NADK2: variants seen among roughly 807,000 people sequenced by gnomAD.
NADK2 encodes the protein NAD kinase domain-containing protein 1, mitochondrial.
Under a neutral mutation model 62.1 loss-of-function variants are expected in NADK2, and 35 were observed. The observed-to-expected ratio is 0.56, with a 90% CI of 0.43 to 0.75. The LOEUF (loss-of-function observed/expected upper bound fraction) is 0.75. NADK2 is among the 30% of genes least tolerant of loss of function. The probability of loss-of-function intolerance (pLI) is 0.00; values close to 1 mark genes in which losing one functional copy is unlikely to be tolerated. For synonymous variants in NADK2, 205 were observed against 207.9 expected (o/e 0.99, Z 0.12); for missense variants, 439 against 561.3 (o/e 0.78, Z 2.20).
At chr5:36,222,534 A>G (rs10036967) in intron 4 of NADK2, among the ~76,000 whole-genome samples, 30 of 152,360 alleles carry the variant, frequency 2.0e-4, no homozygotes, top group African/African-American at 7.2e-4. Context: ...GTGAAACTAG[A>G]AAAGCAAACA....
At position 36,195,028 on chromosome 5, in the gene NADK2, A is replaced by G; in HGVS notation, c.*116T>C. The stretch of plus-strand genomic sequence containing the variant: ...AAGAATAATGCAAATCTCACTTCTG[A>G]GCCCACGGGCAAGCAGTCTCAACAA... On this transcript the variant is annotated 3_prime_UTR_variant, in exon 12 of 12. Transcript: ENST00000381937. 9.5e-7 allele frequency: 1 copy of G among 1,049,182 alleles called. No homozygotes were observed. The highest frequency in any genetic ancestry group is 1.4e-6 in the Non-Finnish European group (1 of 733,754). 65.0% of individuals were successfully genotyped at this position (1,049,182 alleles called of 1,614,324 possible).
At chr5:36,223,318 C>T (rs1241601307) in intron 4 of NADK2, among the ~76,000 whole-genome samples, 2 of 151,802 alleles carry the variant, frequency 1.3e-5, no homozygotes, top group African/African-American at 2.4e-5. Context: ...AACTAAGAAA[C>T]TATAAGGGTA....
intron 4 of NADK2, among the ~76,000 whole-genome samples, chr5:36,222,734 T>C (rs1427373207): frequency 1.3e-5 from 2 of 152,272 alleles, no homozygotes; most frequent in Non-Finnish European, 2.9e-5. Flanking sequence ...AGTTCAGTAA[T>C]TTAAACAAAC....
chr5:36,225,339 C>A (rs1037013279), intron 4 of NADK2, among the ~76,000 whole-genome samples: 3 of 152,106 alleles, frequency 2.0e-5, no homozygotes, highest in African/African-American at 7.2e-5. Flanking sequence ...CACTTAGACA[C>A]CATACACCTA....
intron 1 of NADK2, among the ~76,000 whole-genome samples, chr5:36,232,767 C>A (rs1376109590): frequency 6.6e-6 from 1 of 152,142 alleles, no homozygotes; most frequent in Non-Finnish European, 1.5e-5. Context: ...GCTCTCACTT[C>A]ATTTTCTCTG....
In NADK2 at chr5:36,241,266, C is replaced by G; in HGVS notation, c.300+233G>C. On this transcript the variant is annotated intron_variant, in intron 1 of 11. Coordinates refer to ENST00000381937, the MANE Select transcript of NADK2 (RefSeq NM_001085411.3). The surrounding 1 kb of genome is among the most constrained non-coding windows in gnomAD (Gnocchi z 4.9). ...CCTGCCTCCTAAGTCCCTGCATGAA[C>G]CACTGTCCCTCTCTCTCCCCCTCTC... 1.3e-6 allele frequency: 1 copy of G among 791,672 alleles called. No individual in the cohort carries two copies. The highest frequency in any genetic ancestry group is 1.7e-6 in the Non-Finnish European group (1 of 574,254). The allele number at this position is 791,672 out of a possible 1,614,324, so 49.0% of individuals were successfully genotyped here.
intron 11 of NADK2, among the ~76,000 whole-genome samples, chr5:36,197,263 G>T (rs1021502157): frequency 6.6e-6 from 1 of 151,840 alleles, no homozygotes; most frequent in Non-Finnish European, 1.5e-5. Flanking sequence ...TTGTGTCTTC[G>T]TTCATTTTTT....
chr5:36,197,440 G>T, intron 11 of NADK2, 101 bp downstream of exon 11: 2 of 1,492,314 alleles, frequency 1.3e-6, no homozygotes, highest in South Asian at 2.3e-5. Context: ...GATTAAGTTT[G>T]AATGAGCAAA....
At chr5:36,229,757 C>T (rs1747636523) in intron 1 of NADK2, among the ~76,000 whole-genome samples, 1 of 150,644 alleles carries the variant, frequency 6.6e-6, no homozygotes, top group Admixed American at 6.6e-5. Context: ...ATCTAACAGG[C>T]ACCTCAAATT....
At chr5:36,197,474 A>G in intron 11 of NADK2, 67 bp downstream of exon 11, 3 of 1,594,868 alleles carry the variant, frequency 1.9e-6, no homozygotes, top group Non-Finnish European at 2.6e-6. Flanking sequence ...AATAGTTTTC[A>G]AACCAAGTGG....
At chr5:36,215,461 A>T (rs1011783250) in intron 6 of NADK2, among the ~76,000 whole-genome samples, 2 of 152,180 alleles carry the variant, frequency 1.3e-5, no homozygotes, top group African/African-American at 2.4e-5. Flanking sequence ...CTTCTCTTCC[A>T]GCTATTTTGA....
rs556430563 is a variant in NADK2, at chr5:36,209,319, A to G, written c.861-2054T>C. 2.0e-5 allele frequency among the ~76,000 whole-genome samples: 3 copies of G among 152,260 alleles called. No individual in the cohort carries two copies. The East Asian group carries it at 5.8e-4, about 29-fold the overall frequency. On this transcript the variant is annotated intron_variant, in intron 7 of 11. Coordinates refer to ENST00000381937, the MANE Select transcript of NADK2 (RefSeq NM_001085411.3). Reference sequence around the variant, plus strand: ...CTCAAGAAATTTCACTAACTCCCCCAAAATCTATCAACTGATCCAAGTTTT... The same window carrying G: ...CTCAAGAAATTTCACTAACTCCCCCGAAATCTATCAACTGATCCAAGTTTT...
chr5:36,236,598 G>A (rs970943664), intron 1 of NADK2, among the ~76,000 whole-genome samples: 3 of 152,076 alleles, frequency 2.0e-5, no homozygotes, highest in African/African-American at 4.8e-5. Context: ...TGGTCCCCAG[G>A]CTCAAGGAGA....
intron 1 of NADK2, among the ~76,000 whole-genome samples, chr5:36,235,224 G>A (rs978003869): frequency 6.6e-6 from 1 of 152,024 alleles, no homozygotes; most frequent in East Asian, 1.9e-4. Context: ...AAAACACTAC[G>A]CAAGCAGAGT....
At chr5:36,218,410 A>G (rs777682496) in intron 5 of NADK2, among the ~76,000 whole-genome samples, 3 of 152,216 alleles carry the variant, frequency 2.0e-5, no homozygotes, top group Non-Finnish European at 4.4e-5. Flanking sequence ...GAAAAAAACA[A>G]TCAGGTTTAA....
chr5:36,212,185 T>C (rs1746874110), intron 6 of NADK2: 1 of 267,442 alleles, frequency 3.7e-6, no homozygotes, highest in Non-Finnish European at 7.0e-6. Flanking sequence ...TCAAGAGTGA[T>C]GAACTATATT....
At chr5:36,226,249 T>C (rs1747478067) in intron 3 of NADK2, among the ~76,000 whole-genome samples, 1 of 152,182 alleles carries the variant, frequency 6.6e-6, no homozygotes, top group African/African-American at 2.4e-5. Context: ...ATATTTGAAG[T>C]TAAATGCATA....
intron 11 of NADK2, among the ~76,000 whole-genome samples, chr5:36,196,104 T>C (rs1746224196): frequency 6.6e-6 from 1 of 152,206 alleles, no homozygotes; most frequent in South Asian, 2.1e-4. Context: ...CTGCTATGAA[T>C]ATTCTTGAAT....
Position 36,205,855 on chromosome 5 carries a change from G to T in NADK2, c.956+1315C>A, listed in dbSNP as rs1456479551. Among the ~76,000 whole-genome samples the T allele has an allele frequency of 3.9e-5, 6 of 152,084 alleles. No homozygotes were observed. The highest frequency in any genetic ancestry group is 7.3e-5 in the Non-Finnish European group (5 of 68,030). ...AGACACATGCACATGTATATTTATT[G>T]TGGCACTATTCACAATAGCAAAGAC... On this transcript the variant is annotated intron_variant, in intron 8 of 11. Coordinates refer to ENST00000381937, the MANE Select transcript of NADK2 (RefSeq NM_001085411.3). This position sits in a 1 kb window ranked among gnomAD's most constrained non-coding sequence, Gnocchi z 4.1.
Sources: gnomAD v4.1 joint callset for allele counts (sites outside exome capture counted in the v4.1 genomes callset) on GRCh38, gnomAD v4.1.1 for gene constraint, Gnocchi (gnomAD v3.1) non-coding constraint, MANE v1.5 for transcripts, NCBI Gene and HGNC (gene_info 2026-07-23, HGNC 2026-07-21) for gene names.